The following LMO7 variants were observed in gnomAD, a reference collection of about 807,000 sequenced individuals.
The protein encoded by LMO7 is LIM domain 7.
In LMO7, 120 loss-of-function variants were observed where a neutral mutation model predicts 206.5. That is an observed-to-expected ratio of 0.58 (90% CI 0.50 to 0.68). The LOEUF (loss-of-function observed/expected upper bound fraction) is 0.68. LMO7 is among the 30% of genes least tolerant of loss of function. The pLI is 0.00. For missense variants in LMO7, 1,959 were observed against 1,957.9 expected (o/e 1.00, Z -0.01); for synonymous variants, 706 against 681.5 (o/e 1.04, Z -0.56).
intron 3 of LMO7, among the ~76,000 whole-genome samples, chr13:75,754,563 G>A (rs1403482768): frequency 6.6e-6 from 1 of 152,130 alleles, no homozygotes; most frequent in Non-Finnish European, 1.5e-5. Context: ...ATGGGAGTGA[G>A]TGGGAATGTG....
chr13:75,658,816 C>T (rs1284779210), intron 1 of LMO7, among the ~76,000 whole-genome samples: 11 of 151,578 alleles, frequency 7.3e-5, no homozygotes. Flanking sequence ...GTTTTAATCT[C>T]CTGACCTCAT....
rs190612800 is a variant in LMO7 at position 75,626,281 on chromosome 13, T to C, written c.225+2961T>C. Among the ~76,000 whole-genome samples the C allele has an allele frequency of 1.5e-4, 23 of 152,072 alleles. 1 individual carries two copies. The highest frequency in any genetic ancestry group is 1.2e-3 in the Admixed American group (18 of 15,264). On this transcript the variant is annotated intron_variant, in intron 2 of 29. Transcript: ENST00000341547. ...AAAGACGTTTAATGGGACTTATAGTTCCACATGGCTGGGGAGGTCTCAGAA... is the reference window on the plus strand; with the variant it reads ...AAAGACGTTTAATGGGACTTATAGTCCCACATGGCTGGGGAGGTCTCAGAA...
At chr13:75,661,665 G>T (rs2038616185) in intron 1 of LMO7, among the ~76,000 whole-genome samples, 1 of 152,188 alleles carries the variant, frequency 6.6e-6, no homozygotes, top group Admixed American at 6.5e-5. Flanking sequence ...CACACAGGAG[G>T]CGTGGAAAAT....
chr13:75,835,160 A>G, intron 17 of LMO7, 73 bp from the exon 18 acceptor site: 2 of 1,591,150 alleles, frequency 1.3e-6, no homozygotes, highest in African/African-American at 2.7e-5. Flanking sequence ...AGACTGGGGC[A>G]AAGACCAACC....
chr13:75,815,820 A>G (rs2056924229), intron 11 of LMO7, among the ~76,000 whole-genome samples: 1 of 152,084 alleles, frequency 6.6e-6, no homozygotes, highest in African/African-American at 2.4e-5. Flanking sequence ...AAGTGGGGAG[A>G]AGGGAGAAAC....
At chr13:75,648,546 G>T (rs1386896249) in intron 1 of LMO7, among the ~76,000 whole-genome samples, 3 of 152,184 alleles carry the variant, frequency 2.0e-5, no homozygotes, top group Non-Finnish European at 4.4e-5. Flanking sequence ...GCTATTGGCT[G>T]TTCCATATAT....
Position 75,805,481 on chromosome 13 carries a change from A to G in LMO7, c.917A>G (p.Asn306Ser). 6.2e-7 allele frequency: 1 copy of G among 1,613,568 alleles called. No individual in the cohort carries two copies. Among genetic ancestry groups the G allele is most frequent in the Non-Finnish European group, 8.5e-7 (1 of 1,179,608 alleles). The change falls in exon 9 of 31, where the codon AAT becomes AGT. Residue 306 changes from asparagine (N) to serine (S), a missense_variant and splice_region_variant. By Grantham distance (46) the Asn-to-Ser change is conservative. Transcript: ENST00000377534. ...AACCGGTTGGATGTTTTGAACAGTA[A>G]TCAGAGGAGGATTTGGGGCACCAAT... ...YTEADGTFSS[N>S]QRRIWGTNVE...
Position 75,807,984 on chromosome 13 carries a change from C to T in LMO7, c.1701C>T (p.Ser567=). Residue 567 remains serine (S), a synonymous_variant, in exon 10 of 31, where the codon TCC becomes TCT. Coordinates refer to ENST00000377534, the MANE Select transcript of LMO7 (RefSeq NM_001306080.2). The stretch of plus-strand genomic sequence containing the variant: ...GTGTACTTGAAAGGACATGCCCATC[C>T]AAAGAAAAAAGTAATAGCTGTAGAA... The part of the protein sequence containing the change: ...FLCVLERTCP[S]KEKSNSCRIL... 6.2e-7 allele frequency: 1 copy of T among 1,613,780 alleles called. No individual in the cohort carries two copies. Among genetic ancestry groups the T allele is most frequent in the Non-Finnish European group, 8.5e-7 (1 of 1,179,836 alleles).
chr13:75,820,467 A>G (rs2057462040), intron 13 of LMO7, among the ~76,000 whole-genome samples: 2 of 152,340 alleles, frequency 1.3e-5, no homozygotes, highest in East Asian at 3.9e-4. Context: ...AAGACTGTCA[A>G]TTAATCCACG....
chr13:75,642,238 T>C (rs752006810), intron 1 of LMO7, among the ~76,000 whole-genome samples: 6 of 152,112 alleles, frequency 3.9e-5, no homozygotes, highest in Non-Finnish European at 7.4e-5. Flanking sequence ...TCCAACGTAC[T>C]GATGCACTGA....
intron 11 of LMO7, among the ~76,000 whole-genome samples, chr13:75,816,019 C>G (rs1325736288): frequency 2.0e-5 from 3 of 152,108 alleles, no homozygotes; most frequent in Non-Finnish European, 4.4e-5. Flanking sequence ...TGTCCTTTGG[C>G]AATTGAAGTG....
chr13:75,784,519 G>A (rs916896865), intron 4 of LMO7, among the ~76,000 whole-genome samples: 5 of 152,142 alleles, frequency 3.3e-5, no homozygotes, highest in African/African-American at 1.2e-4. Flanking sequence ...TTCTGAATGT[G>A]TTGCATGCAT....
rs2060629855 is a variant in LMO7 at position 75,853,114 on chromosome 13, G to T, written c.4387G>T (p.Asp1463Tyr). 4 of 1,607,440 alleles carry T rather than the reference G, an allele frequency of 2.5e-6. No individual in the cohort carries two copies. The highest frequency in any genetic ancestry group is 3.4e-6 in the Non-Finnish European group (4 of 1,176,054). The change falls in exon 28 of 31, where the codon GAC (aspartate) becomes TAC (tyrosine). Residue 1463 changes from aspartate to tyrosine, a missense_variant. Coordinates refer to ENST00000377534, the MANE Select transcript of LMO7 (RefSeq NM_001306080.2). ...MRRGESLDNL[D>Y]SPRSNSWRQP... Reference sequence around the variant, plus strand: ...CAGAGGCGAATCTTTAGATAACCTGGACTCCCCCCGATCCAATTCTTGGAG... The same window carrying T: ...CAGAGGCGAATCTTTAGATAACCTGTACTCCCCCCGATCCAATTCTTGGAG...
intron 4 of LMO7, among the ~76,000 whole-genome samples, chr13:75,780,895 A>G (rs186532063): frequency 5.3e-4 from 80 of 152,222 alleles, no homozygotes; most frequent in African/African-American, 1.8e-3. Context: ...GACAATTACT[A>G]TTGCTCAATT....
intron 1 of LMO7, among the ~76,000 whole-genome samples, chr13:75,675,827 T>G (rs918593110): frequency 6.6e-6 from 1 of 152,068 alleles, no homozygotes. Flanking sequence ...TTGAAGAACA[T>G]TTTATAAATT....
At chr13:75,655,311 T>C (rs944144724) in intron 1 of LMO7, among the ~76,000 whole-genome samples, 7 of 152,198 alleles carry the variant, frequency 4.6e-5, no homozygotes, top group Admixed American at 6.5e-5. Context: ...AGTCTTCTCA[T>C]TTCCAGCATT....
upstream of LMO7, among the ~76,000 whole-genome samples, chr13:75,632,554 T>C (rs1274534913): frequency 6.6e-6 from 1 of 152,208 alleles, no homozygotes; most frequent in African/African-American, 2.4e-5. Flanking sequence ...TGAAGTATTA[T>C]CCATTATTCA....
At chr13:75,647,565 G>A (rs567657639) in intron 1 of LMO7, among the ~76,000 whole-genome samples, 1 of 152,290 alleles carries the variant, frequency 6.6e-6, no homozygotes, top group South Asian at 2.1e-4. Context: ...ACATCATCAT[G>A]AAACTTTGGG....
At chr13:75,718,897 A>G (rs1402572252) in intron 2 of LMO7, among the ~76,000 whole-genome samples, 1 of 151,750 alleles carries the variant, frequency 6.6e-6, no homozygotes, top group South Asian at 2.1e-4. Context: ...TACAGTGCAT[A>G]GCCTTTTCAG....
Sources: gnomAD v4.1 joint callset for allele counts (sites outside exome capture counted in the v4.1 genomes callset) on GRCh38, gnomAD v4.1.1 for gene constraint, MANE v1.5 for transcripts, NCBI Gene and HGNC (gene_info 2026-07-23, HGNC 2026-07-21) for gene names.